The following FERRY3 variants were observed in gnomAD, a reference collection of about 807,000 sequenced individuals.
FERRY3 encodes the protein protein C12orf4.
chr12:4,501,191 T>C, the FERRY3 span, among the ~76,000 whole-genome samples: 6 of 152,338 alleles, frequency 3.9e-5, no homozygotes, highest in Non-Finnish European at 7.4e-5. Flanking sequence ...TCCACTTTCA[T>C]TGGTGTCACC....
At chr12:4,533,017 C>T in the FERRY3 span, among the ~76,000 whole-genome samples, 1 of 152,196 alleles carries the variant, frequency 6.6e-6, no homozygotes, top group Non-Finnish European at 1.5e-5. Context: ...ATTCGCTGCT[C>T]GGTTTTCTCC....
chr12:4,526,904 T>C, the FERRY3 span, among the ~76,000 whole-genome samples: 8 of 151,622 alleles, frequency 5.3e-5, no homozygotes, highest in African/African-American at 1.9e-4. Flanking sequence ...ATATATATGA[T>C]AAATTAAATT....
chr12:4,534,535 C>A, the FERRY3 span, among the ~76,000 whole-genome samples: 2 of 152,150 alleles, frequency 1.3e-5, no homozygotes, highest in African/African-American at 4.8e-5. Flanking sequence ...TCCCGAGTAG[C>A]TGGGACCACA....
the FERRY3 span, among the ~76,000 whole-genome samples, chr12:4,523,729 T>G: frequency 6.6e-6 from 1 of 152,142 alleles, no homozygotes. Context: ...AAACACCGCA[T>G]GTTCTCACTC....
At chr12:4,517,183 G>A in the FERRY3 span, 1 of 1,541,130 alleles carries the variant, frequency 6.5e-7, no homozygotes, top group Non-Finnish European at 8.7e-7. Context: ...GCAAACTGTG[G>A]CAAAATCTAA....
chr12:4,509,633 G>A, the FERRY3 span, among the ~76,000 whole-genome samples: 1 of 142,590 alleles, frequency 7.0e-6, no homozygotes, highest in Admixed American at 6.7e-5. Flanking sequence ...CCCCGGCAGG[G>A]GTACACTGAC....
At chr12:4,536,227 A>G in the FERRY3 span, 3 of 1,456,576 alleles carry the variant, frequency 2.1e-6, no homozygotes, top group Non-Finnish European at 2.8e-6. Context: ...GAACTAACAA[A>G]AAAGCAGTAG....
the FERRY3 span, among the ~76,000 whole-genome samples, chr12:4,520,149 T>C: frequency 6.6e-6 from 1 of 152,174 alleles, no homozygotes; most frequent in Non-Finnish European, 1.5e-5. Context: ...GAAGGCCAAG[T>C]GGGCTAGCAT....
the FERRY3 span, chr12:4,518,135 G>C: frequency 6.2e-7 from 1 of 1,614,024 alleles, no homozygotes; most frequent in East Asian, 2.2e-5. Flanking sequence ...AGAATAAAGT[G>C]ACAGAGCTGT....
chr12:4,519,347 A>T, the FERRY3 span, among the ~76,000 whole-genome samples: 2 of 152,168 alleles, frequency 1.3e-5, no homozygotes, highest in South Asian at 2.1e-4. The surrounding 1 kb of genome is among the most constrained non-coding windows in gnomAD (Gnocchi z 4.3). Flanking sequence ...ATGTATACAC[A>T]CCCTTTACTT....
At chr12:4,526,965 T>C in the FERRY3 span, among the ~76,000 whole-genome samples, 1 of 152,108 alleles carries the variant, frequency 6.6e-6, no homozygotes, top group African/African-American at 2.4e-5. Flanking sequence ...TGGTAGTAAA[T>C]ATTCAATATC....
the FERRY3 span, among the ~76,000 whole-genome samples, chr12:4,528,936 C>A: frequency 7.3e-6 from 1 of 137,612 alleles, no homozygotes; most frequent in African/African-American, 2.8e-5. Flanking sequence ...CACACACACA[C>A]ACAAACAAAA....
chr12:4,528,900 CACACACACACA>C, the FERRY3 span, among the ~76,000 whole-genome samples: 73 of 91,936 alleles, frequency 7.9e-4, no homozygotes, highest in African/African-American at 2.4e-3. Flanking sequence ...ATCAGTTACA[CACACACACACA>C]CACACACACA....
chr12:4,508,964 A>G, the FERRY3 span: 1 of 152,914 alleles, frequency 6.5e-6, no homozygotes, highest in Non-Finnish European at 1.5e-5. Context: ...GCGACGCAGA[A>G]GACGGGTGAT....
At chr12:4,508,074 T>A in the FERRY3 span, among the ~76,000 whole-genome samples, 2 of 152,148 alleles carry the variant, frequency 1.3e-5, no homozygotes, top group Admixed American at 1.3e-4. Flanking sequence ...ATTGAATAGA[T>A]AAAGAAACTG....
chr12:4,509,091 G>A, the FERRY3 span: 3 of 148,430 alleles, frequency 2.0e-5, no homozygotes, highest in East Asian at 4.0e-4. Flanking sequence ...CTTGGGAAGC[G>A]CAAGGGGTCA....
chr12:4,516,572 G>T, the FERRY3 span, among the ~76,000 whole-genome samples: 6 of 152,160 alleles, frequency 3.9e-5, no homozygotes. Flanking sequence ...GACATGGATG[G>T]AGCTGGAAAC....
the FERRY3 span, chr12:4,525,718 G>T: frequency 3.2e-6 from 2 of 626,654 alleles, no homozygotes; most frequent in Non-Finnish European, 5.3e-6. Flanking sequence ...AATGAGAATT[G>T]TAACTGGAAA....
At chr12:4,534,045 G>C in the FERRY3 span, 2 of 1,159,172 alleles carry the variant, frequency 1.7e-6, no homozygotes, top group South Asian at 1.6e-5. Context: ...ATAGAATATT[G>C]TATGTGGAGA....
Sources: gnomAD v4.1 joint callset for allele counts (sites outside exome capture counted in the v4.1 genomes callset) on GRCh38, gnomAD v4.1.1 for gene constraint, Gnocchi (gnomAD v3.1) non-coding constraint, MANE v1.5 for transcripts, NCBI Gene and HGNC (gene_info 2026-07-23, HGNC 2026-07-21) for gene names.